Variants in MKNK1 observed in about 807,000 individuals in gnomAD.
MKNK1 encodes MAPK interacting serine/threonine kinase 1, also known as MAP kinase-interacting serine/threonine-protein kinase 1.
Under a neutral mutation model 49.3 loss-of-function variants are expected in MKNK1, and 30 were observed. The ratio of observed to expected loss-of-function variants is 0.61; its 90% CI spans 0.46 to 0.83. The LOEUF is 0.83. Among genes scored for constraint, MKNK1 ranks in the 40% least tolerant of loss-of-function variants. The probability of loss-of-function intolerance (pLI) is 0.00; values close to 1 mark genes in which losing one functional copy is unlikely to be tolerated. For synonymous variants in MKNK1, 176 were observed against 201.7 expected, an observed-to-expected ratio of 0.87 and a Z score of 1.08; for missense variants, 423 against 524.7, an observed-to-expected ratio of 0.81 and a Z score of 1.89.
intron 1 of MKNK1, among the ~76,000 whole-genome samples, chr1:46,598,586 A>G (rs1280109216): frequency 6.6e-6 from 1 of 152,248 alleles, no homozygotes; most frequent in Non-Finnish European, 1.5e-5. Context: ...TTCATTGAGC[A>G]CCTACTGTGT....
chr1:46,587,644 C>A (rs1465715786), intron 2 of MKNK1, among the ~76,000 whole-genome samples: 1 of 151,996 alleles, frequency 6.6e-6, no homozygotes, highest in Non-Finnish European at 1.5e-5. Flanking sequence ...ATGGAGAAAC[C>A]TCGTCTCTAC....
intron 1 of MKNK1, among the ~76,000 whole-genome samples, chr1:46,597,587 T>C (rs1239831937): frequency 6.6e-6 from 1 of 152,246 alleles, no homozygotes. Flanking sequence ...CAAAAGGGAC[T>C]GTATTTCCAC....
intron 1 of MKNK1, among the ~76,000 whole-genome samples, chr1:46,601,193 A>G (rs755250222): frequency 2.0e-5 from 3 of 152,250 alleles, no homozygotes; most frequent in Non-Finnish European, 4.4e-5. Flanking sequence ...CTGGGATTAC[A>G]GGCGTGAGCC....
At chr1:46,565,207 G>T in intron 8 of MKNK1, 71 bp from the exon 9 acceptor site, 1 of 1,389,758 alleles carries the variant, frequency 7.2e-7, no homozygotes, top group Non-Finnish European at 1.0e-6. Context: ...AGGCATGGCT[G>T]TACGGGTGCA....
intron 12 of MKNK1, chr1:46,559,953 TG>T: frequency 1.8e-6 from 1 of 546,098 alleles, no homozygotes; most frequent in Non-Finnish European, 3.3e-6. Flanking sequence ...GTCTTTGGGC[TG>T]TAAGTTACAG....
At chr1:46,584,547 T>C (rs2148709448) in intron 2 of MKNK1, 1 of 152,016 alleles carries the variant, frequency 6.6e-6, no homozygotes, top group East Asian at 1.9e-4. Flanking sequence ...AAGCTGGTTC[T>C]TTGCCCATTG....
intron 3 of MKNK1, among the ~76,000 whole-genome samples, chr1:46,582,067 A>G (rs1269857645): frequency 6.6e-6 from 1 of 152,196 alleles, no homozygotes. Flanking sequence ...CTGTCATTGC[A>G]CAAGCTGTCC....
At chr1:46,591,068 C>A (rs959453599) in intron 2 of MKNK1, among the ~76,000 whole-genome samples, 4 of 152,088 alleles carry the variant, frequency 2.6e-5, no homozygotes, top group Admixed American at 2.6e-4. Context: ...TCTGTCTGAC[C>A]CATTAGTGGG....
At position 46,583,606 on chromosome 1, in the gene MKNK1, G is replaced by A. The variant is rs79168003; in HGVS notation, c.-2-277C>T. Among the ~76,000 whole-genome samples the A allele has an allele frequency of 2.1e-3, 326 of 152,308 alleles. 8 individuals are homozygous for A. The East Asian group carries it at 0.059, about 28-fold the overall frequency. On this transcript the variant is annotated intron_variant, in intron 2 of 12. Transcript: ENST00000371945. ...CTGCTTTAACCAAGCTCATTAGCGCGTGGATTTAGATCTGCCACTGGTCAA... is the reference window on the plus strand; with the variant it reads ...CTGCTTTAACCAAGCTCATTAGCGCATGGATTTAGATCTGCCACTGGTCAA...
At position 46,560,248 on chromosome 1, in the gene MKNK1, C is replaced by T. The variant is rs550845828; in HGVS notation, c.999G>A (p.Pro333=). ...AGAGCATTTACCTCTGGAGGACTTG[C>T]GGCGTGGGGAGTCCCTTTTCTGGAG... The part of the protein sequence containing the change: ...GQAPEKGLPT[P]QVLQRNSSTM... Residue 333 remains proline (P), a synonymous_variant, in exon 12 of 13, where the codon CCG becomes CCA. Coordinates refer to ENST00000371945, the MANE Select transcript of MKNK1 (RefSeq NM_001135553.4). 85 of 1,614,038 alleles carry T rather than the reference C, an allele frequency of 5.3e-5. 1 individual carries two copies. The highest frequency in any genetic ancestry group is 2.3e-4 in the South Asian group (21 of 91,070).
intron 3 of MKNK1, among the ~76,000 whole-genome samples, chr1:46,582,299 A>C (rs967887493): frequency 1.3e-5 from 2 of 152,328 alleles, no homozygotes; most frequent in East Asian, 3.9e-4. Flanking sequence ...TTGGTCTTTC[A>C]GTTGTTTATA....
At position 46,576,543 on chromosome 1, in the gene MKNK1, C is replaced by A. The variant is rs566306586; in HGVS notation, c.278+32G>T. On this transcript the variant is annotated intron_variant, in intron 5 of 12. Coordinates refer to ENST00000371945, the MANE Select transcript of MKNK1 (RefSeq NM_001135553.4). Reference sequence around the variant, plus strand: ...CCTCTTCTGTGGCCAAGCGTCCCCCCAGAGAAGCAGCGAGAATCACATGAT... The same window carrying A: ...CCTCTTCTGTGGCCAAGCGTCCCCCAAGAGAAGCAGCGAGAATCACATGAT... The A allele has an allele frequency of 5.0e-6, 8 of 1,584,640 alleles. No homozygotes were observed. In the East Asian group the frequency reaches 6.7e-5, roughly 13 times the overall value.
intron 1 of MKNK1, among the ~76,000 whole-genome samples, chr1:46,598,478 G>A (rs1461822851): frequency 1.3e-5 from 2 of 152,082 alleles, no homozygotes; most frequent in Non-Finnish European, 2.9e-5. Flanking sequence ...AACAATGCGG[G>A]GGAAGGGAAA....
At chr1:46,569,605 C>T (rs550262739) in intron 7 of MKNK1, 3 of 152,344 alleles carry the variant, frequency 2.0e-5, no homozygotes, top group Non-Finnish European at 4.4e-5. Context: ...AGCAGTCCTC[C>T]GATTCCCGAC....
chr1:46,568,337 A>C, intron 8 of MKNK1, 106 bp downstream of exon 8: 1 of 985,896 alleles, frequency 1.0e-6, no homozygotes, highest in East Asian at 2.4e-5. Context: ...CGATCAGTTC[A>C]AGTTGGTGTC....
At chr1:46,570,974 CATT>C (rs1235053096) in intron 7 of MKNK1, among the ~76,000 whole-genome samples, 4 of 152,124 alleles carry the variant, frequency 2.6e-5, no homozygotes, top group Non-Finnish European at 5.9e-5. Context: ...ATAGGGTAGG[CATT>C]ATTACTGAGA....
intron 1 of MKNK1, among the ~76,000 whole-genome samples, chr1:46,603,892 T>C (rs560810904): frequency 2.0e-5 from 3 of 152,336 alleles, no homozygotes; most frequent in South Asian, 4.1e-4. Flanking sequence ...GCCTGAGCCC[T>C]GCGCCCAGCC....
At chr1:46,569,606 G>A (rs1345474514) in intron 7 of MKNK1, 2 of 152,226 alleles carry the variant, frequency 1.3e-5, no homozygotes, top group Non-Finnish European at 2.9e-5. Context: ...GCAGTCCTCC[G>A]ATTCCCGACT....
intron 9 of MKNK1, 98 bp from the exon 10 acceptor site, chr1:46,562,941 G>A: frequency 9.6e-7 from 1 of 1,042,742 alleles, no homozygotes; most frequent in Non-Finnish European, 1.4e-6. Flanking sequence ...GATGGGACTG[G>A]AGCAGGAGGC....
Sources: allele counts gnomAD v4.1 joint callset (sites outside exome capture counted in the v4.1 genomes callset), GRCh38; gene constraint gnomAD v4.1.1; transcripts MANE v1.5; gene names NCBI Gene and HGNC (gene_info 2026-07-23, HGNC 2026-07-21).